Variants in IGSF9B observed in about 807,000 individuals in gnomAD.
IGSF9B encodes the protein protein turtle homolog B.
Under a neutral mutation model 143.7 loss-of-function variants are expected in IGSF9B, and 48 were observed. The observed-to-expected ratio is 0.33, with a 90% confidence interval of 0.26 to 0.42. The LOEUF (loss-of-function observed/expected upper bound fraction) is 0.42. Ranked by LOEUF, IGSF9B falls within the 20% of genes least tolerant of loss-of-function variation. The pLI is 1.00. For missense variants in IGSF9B, 1,706 were observed against 1,980.0 expected (o/e 0.86, Z 2.63); for synonymous variants, 903 against 833.1 (o/e 1.08, Z -1.44).
Position 133,946,091 on chromosome 11 carries a change from A to G in IGSF9B, c.232T>C (p.Tyr78His). The change falls in exon 2 of 20, where the codon TAC (tyrosine) becomes CAC (histidine). Residue 78 changes from tyrosine (Y) to histidine (H), a missense_variant. By Grantham distance (83) the Tyr-to-His change is moderately conservative. This residue lies in a region of IGSF9B where 171 missense variants were observed against 213.9 expected (regional missense o/e 0.80). Coordinates refer to ENST00000533871, the MANE Select transcript of IGSF9B (RefSeq NM_001277285.4). ...PIPIFIKFGY[Y>H]PPHVDPEYAG... The stretch of plus-strand genomic sequence containing the variant: ...TACTCAGGGTCCACGTGCGGCGGGT[A>G]GTAGCCAAACTTGATGAAGATAGGG... 6.3e-7 allele frequency: 1 copy of G among 1,599,876 alleles called. No homozygotes were observed. The highest frequency in any genetic ancestry group is 8.5e-7 in the Non-Finnish European group (1 of 1,171,868).
intron 7 of IGSF9B, 143 bp from the exon 8 acceptor site, chr11:133,932,356 AGGGACAGACAGACAGACACG>A (rs1565436922): frequency 1.3e-5 from 11 of 846,224 alleles, no homozygotes; most frequent in South Asian, 1.7e-5. Context: ...AGACAGACAC[AGGGACAGACAGACAGACACG>A]GGGACAGACA....
intron 14 of IGSF9B, 58 bp downstream of exon 14, chr11:133,925,681 A>G (rs1939610440): frequency 3.4e-6 from 5 of 1,456,170 alleles, no homozygotes; most frequent in Non-Finnish European, 4.7e-6. Context: ...CAGTGCCTCT[A>G]GAGTCTTGTC....
chr11:133,925,192 T>C (rs1240104738), intron 14 of IGSF9B, among the ~76,000 whole-genome samples: 1 of 152,136 alleles, frequency 6.6e-6, no homozygotes, highest in East Asian at 1.9e-4. Context: ...GCAACCACTA[T>C]TGATAAATAA....
intron 1 of IGSF9B, among the ~76,000 whole-genome samples, chr11:133,946,954 G>C (rs998769126): frequency 3.9e-5 from 6 of 152,200 alleles, no homozygotes; most frequent in East Asian, 1.9e-4. Context: ...TGCCGCAGAG[G>C]GGGGAGTGGG....
At chr11:133,914,747 G>A (rs1272114603) in intron 18 of IGSF9B, among the ~76,000 whole-genome samples, 6 of 152,168 alleles carry the variant, frequency 3.9e-5, no homozygotes, top group Non-Finnish European at 5.9e-5. Flanking sequence ...ACAGGAGGGA[G>A]GAAGCAGGGC....
At chr11:133,923,588 C>T (rs553971500) in intron 15 of IGSF9B, among the ~76,000 whole-genome samples, 2 of 152,276 alleles carry the variant, frequency 1.3e-5, no homozygotes, top group South Asian at 4.1e-4. Flanking sequence ...AAGGCAGAAT[C>T]GATAGATTGT....
chr11:133,933,582 C>A (rs1939771836), intron 7 of IGSF9B, among the ~76,000 whole-genome samples: 1 of 152,192 alleles, frequency 6.6e-6, no homozygotes, highest in African/African-American at 2.4e-5. Context: ...TCCAACTCTA[C>A]CAAAAACATC....
At chr11:133,951,647 C>T (rs1940160509) in intron 1 of IGSF9B, among the ~76,000 whole-genome samples, 2 of 152,238 alleles carry the variant, frequency 1.3e-5, no homozygotes, top group South Asian at 4.1e-4. Context: ...TGCTCCACTC[C>T]TTTAATGGCT....
intron 18 of IGSF9B, 51 bp downstream of exon 18, chr11:133,919,691 G>C: frequency 5.1e-6 from 6 of 1,174,432 alleles, no homozygotes; most frequent in Non-Finnish European, 6.8e-6. Context: ...CGAGGCGGGT[G>C]GGGGAAGGAA....
At chr11:133,935,140 A>G (rs1939799555) in intron 7 of IGSF9B, among the ~76,000 whole-genome samples, 1 of 152,326 alleles carries the variant, frequency 6.6e-6, no homozygotes, top group Middle Eastern at 3.4e-3. Context: ...CAGAGGGAGC[A>G]GGCGCAGGAG....
Position 133,945,287 on chromosome 11 carries a change from T to C in IGSF9B, c.262+774A>G, listed in dbSNP as rs575978795. On this transcript the variant is annotated intron_variant, in intron 2 of 19. Transcript: ENST00000533871. This position sits in a 1 kb window ranked among gnomAD's most constrained non-coding sequence, Gnocchi z 4.6. ...AAAACTAGACTCTCAAAGCCAACCC[T>C]GGCCAAAAAGAGAGCATGAGACATG... Among the ~76,000 whole-genome samples the C allele has an allele frequency of 3.9e-5, 6 of 152,114 alleles. No homozygotes were observed. Among genetic ancestry groups the C allele is most frequent in the Admixed American group, 3.9e-4 (6 of 15,284 alleles).
rs999730259 is a variant in IGSF9B at position 133,906,870 on chromosome 11, A to T, written c.*2199T>A. Among the ~76,000 whole-genome samples, 2 of 152,120 alleles carry T rather than the reference A, an allele frequency of 1.3e-5. No homozygotes were observed. The highest frequency in any genetic ancestry group is 4.8e-5 in the African/African-American group (2 of 41,430). On this transcript the variant is annotated 3_prime_UTR_variant, in exon 20 of 20. Transcript: ENST00000533871. Reference sequence around the variant, plus strand: ...AAAGGCTGCACGTCAGCTTGCGGTAAGCCCCCACCTCCCACCCCAACACCT... The same window carrying T: ...AAAGGCTGCACGTCAGCTTGCGGTATGCCCCCACCTCCCACCCCAACACCT...
In IGSF9B at chr11:133,956,661, G is replaced by A. The variant is rs552226701; in HGVS notation, c.64+30C>T. 22 of 1,485,844 alleles carry A rather than the reference G, an allele frequency of 1.5e-5. No homozygotes were observed. In the African/African-American group the frequency reaches 2.0e-4, roughly 14 times the overall value. 92.0% of individuals were successfully genotyped at this position (1,485,844 alleles called of 1,614,324 possible). ...CGAGGGGCCGAGGGCGCCGGGAGGGGCAGGGGAGGGACGCCGCACTTCAAC... is the reference window on the plus strand; with the variant it reads ...CGAGGGGCCGAGGGCGCCGGGAGGGACAGGGGAGGGACGCCGCACTTCAAC... On this transcript the variant is annotated intron_variant, in intron 1 of 19. Transcript: ENST00000533871.
chr11:133,937,052 G>C (rs1008343870), intron 5 of IGSF9B, among the ~76,000 whole-genome samples: 1 of 152,156 alleles, frequency 6.6e-6, no homozygotes, highest in African/African-American at 2.4e-5. Context: ...CCCCAGGGAG[G>C]TCTCCTCTCC....
intron 15 of IGSF9B, among the ~76,000 whole-genome samples, chr11:133,924,618 G>A (rs1939592648): frequency 6.6e-6 from 1 of 152,126 alleles, no homozygotes; most frequent in South Asian, 2.1e-4. Flanking sequence ...CTCAGCTTCT[G>A]AGCTTCACGA....
chr11:133,921,024 C>A lies in IGSF9B; in HGVS notation c.2701G>T (p.Val901Leu), dbSNP rs551872835. 2.2e-5 allele frequency: 36 copies of A among 1,613,458 alleles called. 1 individual carries two copies. The South Asian group carries it at 3.2e-4, about 14-fold the overall frequency. ...QSDEENEDPLVPTSVAALKSQ... is the reference protein window; with the variant it reads ...QSDEENEDPLLPTSVAALKSQ... ...TTCAGGGCGGCCACAGATGTGGGCA[C>A]CAGTGGGTCCTCGTTCTCCTCGTCC... Residue 901 changes from valine (V) to leucine (L), a missense_variant, in exon 18 of 20, where the codon GTG becomes TTG. By Grantham distance (32) the Val-to-Leu change is conservative. Transcript: ENST00000533871.
At chr11:133,922,269 C>G in intron 16 of IGSF9B, 47 bp from the exon 17 acceptor site, 1 of 1,532,206 alleles carries the variant, frequency 6.5e-7, no homozygotes, top group Non-Finnish European at 9.0e-7. Context: ...AAGCCAGCAA[C>G]CACGCAGCAC....
chr11:133,909,101 G>C lies in IGSF9B; in HGVS notation c.4282C>G (p.His1428Asp). Reference sequence around the variant, plus strand: ...AAAGTGGCATGTCCTGGGTCATCGTGGTCCACACTGTTGAGAATCGCTGTC... The same window carrying C: ...AAAGTGGCATGTCCTGGGTCATCGTCGTCCACACTGTTGAGAATCGCTGTC... ...DQTAILNSVD[H>D]DDPGHATLL Residue 1428 changes from histidine to aspartate, a missense_variant, in exon 20 of 20, where the codon CAC becomes GAC. By Grantham distance (81) the His-to-Asp change is moderately conservative. Transcript: ENST00000533871. The surrounding 1 kb of genome is among the most constrained non-coding windows in gnomAD (Gnocchi z 4.2). The C allele has an allele frequency of 6.5e-7, 1 of 1,535,898 alleles. No homozygotes were observed. The highest frequency in any genetic ancestry group is 8.7e-7 in the Non-Finnish European group (1 of 1,146,738).
chr11:133,919,246 C>A (rs1244086054), intron 18 of IGSF9B: 6 of 351,014 alleles, frequency 1.7e-5, no homozygotes, highest in Non-Finnish European at 3.4e-5. Flanking sequence ...GCCAGGAGTT[C>A]GGGAACAGGA....
Sources: gnomAD v4.1 joint callset for allele counts (sites outside exome capture counted in the v4.1 genomes callset) on GRCh38, gnomAD v4.1.1 for gene constraint, gnomAD v4.1.1 regional missense constraint, Gnocchi (gnomAD v3.1) non-coding constraint, MANE v1.5 for transcripts, NCBI Gene and HGNC (gene_info 2026-07-23, HGNC 2026-07-21) for gene names.